WDR7: variants seen among roughly 807,000 people sequenced by gnomAD.
The protein encoded by WDR7 is WD repeat-containing protein 7.
A neutral mutation model predicts 169.4 loss-of-function variants in WDR7; 46 were observed. The ratio of observed to expected loss-of-function variants is 0.27; its 90% confidence interval spans 0.21 to 0.35. The LOEUF (loss-of-function observed/expected upper bound fraction) is 0.35. Ranked by LOEUF, WDR7 falls within the 10% of genes least tolerant of loss-of-function variation. WDR7 has a pLI of 1.00. For synonymous variants in WDR7, 612 were observed against 666.8 expected (o/e 0.92, Z 1.27); for missense variants, 1,534 against 1,859.3 (o/e 0.83, Z 3.22).
intron 26 of WDR7, among the ~76,000 whole-genome samples, chr18:56,972,606 A>G (rs977960384): frequency 2.0e-5 from 3 of 152,174 alleles, no homozygotes; most frequent in Non-Finnish European, 4.4e-5. Flanking sequence ...GTTGGAGAAG[A>G]CAATGGCTTC....
In WDR7 at chr18:57,027,390, T is replaced by A; in HGVS notation, c.*183T>A. ...GGGCAGAACCCGCTCGTGCCATCTG[T>A]CGATTCAGAGGCACGCACACATGCT... is the stretch of plus-strand genomic sequence containing the variant. On this transcript the variant is annotated 3_prime_UTR_variant, in exon 28 of 28. Transcript: ENST00000254442. 1.4e-6 allele frequency: 1 copy of A among 713,228 alleles called. No homozygotes were observed. The highest frequency in any genetic ancestry group is 2.3e-6 in the Non-Finnish European group (1 of 439,476). 44.2% of individuals were successfully genotyped at this position (713,228 alleles called of 1,614,324 possible).
At chr18:57,004,409 A>G (rs1423209739) in intron 26 of WDR7, among the ~76,000 whole-genome samples, 4 of 152,258 alleles carry the variant, frequency 2.6e-5, no homozygotes, top group Admixed American at 2.6e-4. Flanking sequence ...TATTATAAAT[A>G]GTACTTAGGA....
intron 25 of WDR7, among the ~76,000 whole-genome samples, chr18:56,948,162 G>A (rs75996269): frequency 0.053 from 8,025 of 152,038 alleles, 212 homozygotes; most frequent in Non-Finnish European, 0.065. Flanking sequence ...TTATATGCAC[G>A]ACTGCACATT....
chr18:56,932,273 G>T (rs79997651), intron 22 of WDR7, among the ~76,000 whole-genome samples: 1 of 152,100 alleles, frequency 6.6e-6, no homozygotes, highest in African/African-American at 2.4e-5. Flanking sequence ...CCTCAGGTGC[G>T]CACACTGATG....
At chr18:56,985,151 G>A (rs2047696214) in intron 26 of WDR7, among the ~76,000 whole-genome samples, 1 of 152,102 alleles carries the variant, frequency 6.6e-6, no homozygotes, top group Non-Finnish European at 1.5e-5. Context: ...AAGTGTTGCA[G>A]CAATTTTAGG....
intron 26 of WDR7, among the ~76,000 whole-genome samples, chr18:56,970,392 C>G (rs894326967): frequency 6.6e-6 from 1 of 152,012 alleles, no homozygotes; most frequent in Non-Finnish European, 1.5e-5. Flanking sequence ...GCACATTAAT[C>G]TGTTGTCCTA....
intron 14 of WDR7, among the ~76,000 whole-genome samples, chr18:56,743,808 C>T (rs1056104177): frequency 2.0e-5 from 3 of 152,144 alleles, no homozygotes; most frequent in Non-Finnish European, 4.4e-5. Flanking sequence ...GTGAGAGGAA[C>T]GTTCTCGATC....
intron 21 of WDR7, among the ~76,000 whole-genome samples, chr18:56,886,463 A>G (rs2046196930): frequency 1.3e-5 from 2 of 152,240 alleles, no homozygotes; most frequent in African/African-American, 4.8e-5. Context: ...AGCCAGCACT[A>G]CAGGAACTGC....
intron 26 of WDR7, among the ~76,000 whole-genome samples, chr18:57,014,054 A>G (rs186384165): frequency 1.3e-5 from 2 of 152,208 alleles, no homozygotes; most frequent in African/African-American, 4.8e-5. Flanking sequence ...GGCTGGGCAC[A>G]GTGGTTCACG....
At chr18:56,686,102 T>A in intron 6 of WDR7, 70 bp downstream of exon 6, 2 of 1,286,614 alleles carry the variant, frequency 1.6e-6, no homozygotes, top group Non-Finnish European at 2.2e-6. Flanking sequence ...AGTAATGATA[T>A]GCCCCTTCCA....
At chr18:56,819,324 G>A (rs1305403744) in intron 20 of WDR7, among the ~76,000 whole-genome samples, 2 of 152,122 alleles carry the variant, frequency 1.3e-5, no homozygotes, top group African/African-American at 4.8e-5. Flanking sequence ...GAAAAAAATT[G>A]GGTCTTGATT....
chr18:57,035,023 T>C, the WDR7 span: 5 of 152,196 alleles, frequency 3.3e-5, no homozygotes, highest in Non-Finnish European at 5.9e-5. Context: ...CCGATTCCAG[T>C]GAACCCTCCT....
chr18:56,885,840 A>C (rs2046184210), intron 21 of WDR7, among the ~76,000 whole-genome samples: 4 of 150,584 alleles, frequency 2.7e-5, no homozygotes. Context: ...AAAAAAAAAA[A>C]ACAAAAAACT....
At chr18:56,694,510 A>G (rs1568141404) in intron 9 of WDR7, 109 bp from the exon 10 acceptor site, 2 of 1,086,726 alleles carry the variant, frequency 1.8e-6, no homozygotes, top group East Asian at 2.5e-5. Flanking sequence ...CACTTTTTCA[A>G]CTTGGCTACT....
At chr18:56,754,353 ATG>A (rs909053432) in intron 14 of WDR7, among the ~76,000 whole-genome samples, 49 of 150,184 alleles carry the variant, frequency 3.3e-4, no homozygotes, top group African/African-American at 9.8e-4. Context: ...GTGTGTATAT[ATG>A]TGTGTGTATA....
intron 20 of WDR7, among the ~76,000 whole-genome samples, chr18:56,848,911 C>T (rs189613198): frequency 2.7e-3 from 406 of 152,242 alleles, no homozygotes; most frequent in African/African-American, 9.2e-3. Context: ...CATAAATTAC[C>T]CAGCCTCAGG....
intron 26 of WDR7, among the ~76,000 whole-genome samples, chr18:56,987,497 T>G (rs2047741683): frequency 6.6e-6 from 1 of 152,156 alleles, no homozygotes; most frequent in African/African-American, 2.4e-5. Flanking sequence ...AGGATACTGT[T>G]ATTTGATAAA....
chr18:56,754,907 G>C (rs11876965), intron 14 of WDR7, among the ~76,000 whole-genome samples: 34,795 of 152,006 alleles, frequency 0.23, 4,715 homozygotes, highest in African/African-American at 0.37. Context: ...CAAATTCACA[G>C]CTGCAGTGTA....
At chr18:56,964,552 A>C (rs2047380793) in intron 26 of WDR7, among the ~76,000 whole-genome samples, 1 of 151,718 alleles carries the variant, frequency 6.6e-6, no homozygotes, top group Non-Finnish European at 1.5e-5. Context: ...CACCTGGCTA[A>C]TTTTTTTGTA....
Sources: allele counts gnomAD v4.1 joint callset (sites outside exome capture counted in the v4.1 genomes callset), GRCh38; gene constraint gnomAD v4.1.1; transcripts MANE v1.5; gene names NCBI Gene and HGNC (gene_info 2026-07-23, HGNC 2026-07-21).